Variants in PPP6R3 observed in about 807,000 individuals in gnomAD.
PPP6R3 encodes the protein protein phosphatase 6 regulatory subunit 3.
A neutral mutation model predicts 110.7 loss-of-function variants in PPP6R3; 38 were observed. The observed-to-expected ratio is 0.34, with a 90% CI of 0.26 to 0.45. The LOEUF is 0.45. PPP6R3 is among the 20% of genes least tolerant of loss of function. PPP6R3 has a pLI of 1.00. For synonymous variants in PPP6R3, 369 were observed against 373.5 expected (o/e 0.99, Z 0.14); for missense variants, 870 against 1,062.4 (o/e 0.82, Z 2.52).
intron 2 of PPP6R3, among the ~76,000 whole-genome samples, chr11:68,526,232 A>G (rs1232400744): frequency 6.6e-6 from 1 of 151,656 alleles, no homozygotes; most frequent in Non-Finnish European, 1.5e-5. Context: ...ATGAGAATTT[A>G]CTGATTTTAC....
chr11:68,477,114 G>A (rs2098838079), intron 1 of PPP6R3, among the ~76,000 whole-genome samples: 1 of 151,968 alleles, frequency 6.6e-6, no homozygotes, highest in Non-Finnish European at 1.5e-5. Context: ...TTTAGTTTGT[G>A]CAGATTTTCA....
chr11:68,566,763 G>T (rs1386563321), intron 9 of PPP6R3, among the ~76,000 whole-genome samples: 2 of 152,198 alleles, frequency 1.3e-5, no homozygotes, highest in African/African-American at 4.8e-5. Context: ...AGCTTGGAAT[G>T]TTGAGGCAGG....
At chr11:68,564,192 C>T in intron 8 of PPP6R3, 111 bp from the exon 9 acceptor site, 6 of 1,157,460 alleles carry the variant, frequency 5.2e-6, no homozygotes, top group East Asian at 2.5e-5. Context: ...AGCCTTTTTT[C>T]CCGCAGCCAG....
chr11:68,538,042 C>T (rs2099279497), intron 3 of PPP6R3, 151 bp downstream of exon 3: 2 of 522,608 alleles, frequency 3.8e-6, no homozygotes, highest in Non-Finnish European at 6.4e-6. Flanking sequence ...AGCGCAAAAT[C>T]CATTCTAGCA....
At chr11:68,606,478 GTTTTT>G (rs11344213) in intron 22 of PPP6R3, among the ~76,000 whole-genome samples, 1 of 129,538 alleles carries the variant, frequency 7.7e-6, no homozygotes. Context: ...AATTTATGTA[GTTTTT>G]TTTTTTTTTT....
Position 68,614,728 on chromosome 11 carries a change from C to T in PPP6R3, c.*1611C>T, listed in dbSNP as rs533483930. 35 of 1,533,312 alleles carry T rather than the reference C, an allele frequency of 2.3e-5. No homozygotes were observed. In the South Asian group the frequency reaches 4.3e-4, roughly 19 times the overall value. The allele number at this position is 1,533,312 out of a possible 1,614,324, so 95.0% of individuals were successfully genotyped here. A position where few individuals can be genotyped will look rare whatever the true frequency, so the allele number is the denominator to read the frequency against. ...GTCCCTTGACCTTTGCACGCCTCCTCAGGAACCCCCTTTCCCGGGTGAGCC... is the reference window on the plus strand; with the variant it reads ...GTCCCTTGACCTTTGCACGCCTCCTTAGGAACCCCCTTTCCCGGGTGAGCC... On this transcript the variant is annotated 3_prime_UTR_variant, in exon 24 of 24. Coordinates refer to ENST00000393800, the MANE Select transcript of PPP6R3 (RefSeq NM_001164161.2).
intron 2 of PPP6R3, among the ~76,000 whole-genome samples, chr11:68,530,788 T>A (rs1471127115): frequency 6.6e-6 from 1 of 152,212 alleles, no homozygotes; most frequent in Non-Finnish European, 1.5e-5. Context: ...TAGTCCTGGG[T>A]ACAGTTATTT....
chr11:68,477,739 AAAAT>A (rs60139376), intron 1 of PPP6R3, among the ~76,000 whole-genome samples: 20,473 of 78,442 alleles, frequency 0.26, 1,719 homozygotes, highest in South Asian at 0.32. Flanking sequence ...AAAAAAAAAA[AAAAT>A]ATATATATAT....
At chr11:68,502,382 G>A (rs745401083) in intron 1 of PPP6R3, among the ~76,000 whole-genome samples, 21 of 152,156 alleles carry the variant, frequency 1.4e-4, no homozygotes, top group African/African-American at 2.6e-4. Context: ...CTCAAAAGCC[G>A]TATGTGGCCA....
intron 2 of PPP6R3, among the ~76,000 whole-genome samples, chr11:68,530,155 A>G (rs1369385162): frequency 6.6e-6 from 1 of 152,184 alleles, no homozygotes; most frequent in African/African-American, 2.4e-5. Context: ...TAGAACATTT[A>G]ATGTGTGGCT....
chr11:68,583,217 A>G (rs2099568267), intron 15 of PPP6R3, 88 bp downstream of exon 15: 1 of 974,506 alleles, frequency 1.0e-6, no homozygotes, highest in South Asian at 1.7e-5. Flanking sequence ...GAGTCAGATT[A>G]TGTATTAGAA....
At chr11:68,489,971 G>A (rs759626466) in intron 1 of PPP6R3, among the ~76,000 whole-genome samples, 1 of 151,976 alleles carries the variant, frequency 6.6e-6, no homozygotes, top group Non-Finnish European at 1.5e-5. Context: ...ATACTTAATC[G>A]AGTACATTGT....
chr11:68,535,024 C>G (rs2099262537), intron 2 of PPP6R3, among the ~76,000 whole-genome samples: 1 of 152,116 alleles, frequency 6.6e-6, no homozygotes, highest in Non-Finnish European at 1.5e-5. Context: ...TTTGCCATTT[C>G]CCACTCATCT....
At chr11:68,497,130 T>C (rs1282112344) in intron 1 of PPP6R3, among the ~76,000 whole-genome samples, 3 of 151,492 alleles carry the variant, frequency 2.0e-5, no homozygotes, top group Non-Finnish European at 4.4e-5. Context: ...CACTGCAAGC[T>C]CCGCCTCCCG....
At chr11:68,577,599 G>A (rs1037535597) in intron 14 of PPP6R3, among the ~76,000 whole-genome samples, 5 of 152,144 alleles carry the variant, frequency 3.3e-5, no homozygotes, top group African/African-American at 1.2e-4. Context: ...GAGCAGTTCT[G>A]TAATAAAGAA....
chr11:68,497,933 A>G (rs1319684062), intron 1 of PPP6R3, among the ~76,000 whole-genome samples: 2 of 152,142 alleles, frequency 1.3e-5, no homozygotes, highest in East Asian at 3.9e-4. Flanking sequence ...CTTGGTTCAG[A>G]TGAGATCATT....
chr11:68,558,462 G>A, intron 7 of PPP6R3, 104 bp from the exon 8 acceptor site: 4 of 685,584 alleles, frequency 5.8e-6, no homozygotes, highest in Non-Finnish European at 1.0e-5. Context: ...ATATGCCCAA[G>A]TATGAACTCT....
At chr11:68,535,244 A>ATTCTG (rs2099263613) in intron 2 of PPP6R3, among the ~76,000 whole-genome samples, 2 of 152,224 alleles carry the variant, frequency 1.3e-5, no homozygotes, top group Admixed American at 6.5e-5. Flanking sequence ...CGTCTGGAGC[A>ATTCTG]GAGAAGTCCT....
intron 1 of PPP6R3, among the ~76,000 whole-genome samples, chr11:68,489,552 T>TGTGTG (rs1491233294): frequency 0.023 from 3,302 of 145,014 alleles, 79 homozygotes; most frequent in African/African-American, 0.055. Flanking sequence ...TACTGTGTGT[T>TGTGTG]TGTGTGTGTG....
Sources: gnomAD v4.1 joint callset for allele counts (sites outside exome capture counted in the v4.1 genomes callset) on GRCh38, gnomAD v4.1.1 for gene constraint, MANE v1.5 for transcripts, NCBI Gene and HGNC (gene_info 2026-07-23, HGNC 2026-07-21) for gene names.